FAM110B: variants seen among roughly 807,000 people sequenced by gnomAD.
FAM110B encodes the protein protein FAM110B.
In FAM110B, 6 loss-of-function variants were observed where a neutral mutation model predicts 20.4. That is an observed-to-expected ratio of 0.29 (90% CI 0.16 to 0.58). The LOEUF is 0.58. FAM110B is among the 20% of genes least tolerant of loss of function. FAM110B has a pLI of 0.90. For synonymous variants in FAM110B, 226 were observed against 214.1 expected, an observed-to-expected ratio of 1.06 and a Z score of -0.49; for missense variants, 434 against 498.2, an observed-to-expected ratio of 0.87 and a Z score of 1.23.
At chr8:58,083,046 G>A (rs1360928783) in intron 3 of FAM110B, among the ~76,000 whole-genome samples, 1 of 151,660 alleles carries the variant, frequency 6.6e-6, no homozygotes, top group Non-Finnish European at 1.5e-5. Flanking sequence ...AGATGTTTGT[G>A]GAATTTAATA....
Position 58,146,934 on chromosome 8 carries a change from C to G in FAM110B, c.704C>G (p.Ser235Cys). The change falls in exon 4 of 4, where the codon TCC (serine) becomes TGC (cysteine). Residue 235 changes from serine to cysteine, a missense_variant. Ser to Cys is a moderately radical substitution (Grantham distance 112). Around this residue, in one of 3 missense-constraint regions of FAM110B, gnomAD observed 284 missense variants for 278.3 expected, o/e 1.02. Transcript: ENST00000519262. ...AAGCCCAAAATCGCAGCCATCGCCTCCATGAAGTCCCCCGAGGCCGACCCT... is the reference window on the plus strand; with the variant it reads ...AAGCCCAAAATCGCAGCCATCGCCTGCATGAAGTCCCCCGAGGCCGACCCT... Reference protein sequence around the residue: ...PPKPKIAAIASMKSPEADPVE... With the variant: ...PPKPKIAAIACMKSPEADPVE... 1 of 1,614,228 alleles carries G rather than the reference C, an allele frequency of 6.2e-7. No individual in the cohort carries two copies. The highest frequency in any genetic ancestry group is 8.5e-7 in the Non-Finnish European group (1 of 1,180,040).
At chr8:58,047,591 C>CCTCTCTCTCTCTCTCTCT (rs56031012) in intron 2 of FAM110B, among the ~76,000 whole-genome samples, 974 of 74,704 alleles carry the variant, frequency 0.013, 139 homozygotes, top group Non-Finnish European at 0.019. Flanking sequence ...CTTCCTTTTT[C>CCTCTCTCTCTCTCTCTCT]CTCTCTCTCT....
At chr8:58,144,106 G>C (rs73682174) in intron 3 of FAM110B, among the ~76,000 whole-genome samples, 2,820 of 152,270 alleles carry the variant, frequency 0.019, 94 homozygotes, top group African/African-American at 0.064. Flanking sequence ...CCACTAGGTG[G>C]TATTCCCACT....
rs141146315 is a variant in FAM110B, at chr8:58,054,369, C to G, written c.-413-21166C>G. Among the ~76,000 whole-genome samples the G allele has an allele frequency of 3.4e-3, 518 of 152,258 alleles. 9 individuals are homozygous for G. Among genetic ancestry groups the G allele is most frequent in the African/African-American group, 0.012 (500 of 41,536 alleles). ...TGGTAGCCTCCTTCCAGAGGGCAAA[C>G]AGACATATAAATCAAACATCTCCTT... is the stretch of plus-strand genomic sequence containing the variant. On this transcript the variant is annotated intron_variant, in intron 2 of 3. Coordinates refer to ENST00000519262, the MANE Select transcript of FAM110B (RefSeq NM_001377989.1).
chr8:58,003,395 C>G (rs553460413), intron 1 of FAM110B, among the ~76,000 whole-genome samples: 10 of 152,350 alleles, frequency 6.6e-5, no homozygotes, highest in Non-Finnish European at 1.3e-4. Context: ...TCCCATGAAT[C>G]ATGACCGTTC....
At chr8:58,093,805 G>A (rs950223790) in intron 3 of FAM110B, among the ~76,000 whole-genome samples, 1 of 152,082 alleles carries the variant, frequency 6.6e-6, no homozygotes, top group Admixed American at 6.5e-5. Context: ...GTAGCTTGAT[G>A]GGGATAGCAT....
At chr8:58,102,111 A>G (rs1206236025) in intron 3 of FAM110B, among the ~76,000 whole-genome samples, 3 of 152,176 alleles carry the variant, frequency 2.0e-5, no homozygotes, top group East Asian at 1.9e-4. Context: ...ATTCGCCAAC[A>G]CTTTTCAAGA....
intron 2 of FAM110B, among the ~76,000 whole-genome samples, chr8:58,074,114 C>G (rs1465267715): frequency 6.6e-6 from 1 of 152,202 alleles, no homozygotes; most frequent in Non-Finnish European, 1.5e-5. Flanking sequence ...GACCCCACCC[C>G]ACTGCCTAAG....
intron 3 of FAM110B, among the ~76,000 whole-genome samples, chr8:58,096,226 A>G (rs542166408): frequency 6.6e-6 from 1 of 152,032 alleles, no homozygotes; most frequent in African/African-American, 2.4e-5. Flanking sequence ...CCCAGGCTGG[A>G]GTGCAGTGGC....
intron 3 of FAM110B, among the ~76,000 whole-genome samples, chr8:58,085,388 C>T (rs547695600): frequency 1.3e-5 from 2 of 152,130 alleles, no homozygotes; most frequent in Non-Finnish European, 2.9e-5. Flanking sequence ...TGGCGGGTGC[C>T]TGTAATCCCA....
chr8:58,077,866 G>A (rs570812703), intron 3 of FAM110B, among the ~76,000 whole-genome samples: 24 of 152,292 alleles, frequency 1.6e-4, no homozygotes, highest in African/African-American at 5.5e-4. Context: ...GGTTGCAGGC[G>A]TAAATCCTAA....
At chr8:58,002,631 A>G (rs1310965466) in intron 1 of FAM110B, among the ~76,000 whole-genome samples, 1 of 152,250 alleles carries the variant, frequency 6.6e-6, no homozygotes, top group African/African-American at 2.4e-5. Context: ...TAAAGTGAGT[A>G]TTACAATAAA....
At chr8:58,087,372 T>C (rs1468388321) in intron 3 of FAM110B, among the ~76,000 whole-genome samples, 1 of 152,210 alleles carries the variant, frequency 6.6e-6, no homozygotes, top group Non-Finnish European at 1.5e-5. Context: ...GCAGCAGCTG[T>C]AGCAATTTGC....
chr8:58,024,443 A>G (rs1461136923), intron 1 of FAM110B, among the ~76,000 whole-genome samples: 1 of 152,168 alleles, frequency 6.6e-6, no homozygotes, highest in Non-Finnish European at 1.5e-5. Context: ...AGGGAGATAG[A>G]AAGAACTTTA....
At chr8:58,070,828 CA>C (rs1805881393) in intron 2 of FAM110B, among the ~76,000 whole-genome samples, 1 of 152,204 alleles carries the variant, frequency 6.6e-6, no homozygotes, top group Non-Finnish European at 1.5e-5. Context: ...TGTGCCTTAG[CA>C]GAAGTAATGT....
intron 3 of FAM110B, among the ~76,000 whole-genome samples, chr8:58,133,598 T>C (rs1236782853): frequency 1.3e-5 from 2 of 152,088 alleles, no homozygotes; most frequent in African/African-American, 4.8e-5. Flanking sequence ...CTTGGAAGAC[T>C]CAAGGAGGGG....
At chr8:58,100,670 T>C (rs953999075) in intron 3 of FAM110B, among the ~76,000 whole-genome samples, 1 of 152,178 alleles carries the variant, frequency 6.6e-6, no homozygotes, top group Non-Finnish European at 1.5e-5. Context: ...GTGTCCAAAT[T>C]GCCCCTTTTT....
chr8:58,057,720 G>A (rs1805575905), intron 2 of FAM110B, among the ~76,000 whole-genome samples: 1 of 152,208 alleles, frequency 6.6e-6, no homozygotes, highest in African/African-American at 2.4e-5. Flanking sequence ...TAGTCCTGAG[G>A]AGGTTAGTTA....
intron 1 of FAM110B, among the ~76,000 whole-genome samples, chr8:58,002,073 T>G (rs1417881068): frequency 6.6e-6 from 1 of 152,032 alleles, no homozygotes; most frequent in African/African-American, 2.4e-5. Context: ...AATTCAATCT[T>G]TCTTCACCTT....
Sources: allele counts gnomAD v4.1 joint callset (sites outside exome capture counted in the v4.1 genomes callset), GRCh38; gene constraint gnomAD v4.1.1; regional missense constraint gnomAD v4.1.1; transcripts MANE v1.5; gene names NCBI Gene and HGNC (gene_info 2026-07-23, HGNC 2026-07-21).